SLC35F4: variants seen among roughly 807,000 people sequenced by gnomAD.
The protein encoded by SLC35F4 is solute carrier family 35 member F4.
Under a neutral mutation model 44.2 loss-of-function variants are expected in SLC35F4, and 24 were observed. The ratio of observed to expected loss-of-function variants is 0.54; its 90% CI spans 0.39 to 0.76. The LOEUF is 0.76. Among genes scored for constraint, SLC35F4 ranks in the 30% least tolerant of loss-of-function variants. SLC35F4 has a pLI of 0.00. For synonymous variants in SLC35F4, 238 were observed against 223.6 expected (o/e 1.06, Z -0.57); for missense variants, 562 against 586.1 (o/e 0.96, Z 0.42).
In SLC35F4 at chr14:57,571,982, A is replaced by G; in HGVS notation, c.845T>C (p.Met282Thr). ...GTGGAAATTATCTGCATATGCCATC[A>G]TGACAATGCCGGTAATTGCCATTAT... ...AAIMAITGIV[M>T]MAYADNFHAD... Residue 282 changes from methionine to threonine, a missense_variant, in exon 5 of 8, where the codon ATG becomes ACG. Physicochemically the swap from Met to Thr is moderately conservative, Grantham distance 81. Coordinates refer to ENST00000556826, the MANE Select transcript of SLC35F4 (RefSeq NM_001306087.2). The G allele has an allele frequency of 6.2e-7, 1 of 1,612,002 alleles. No individual in the cohort carries two copies. The highest frequency in any genetic ancestry group is 8.5e-7 in the Non-Finnish European group (1 of 1,178,962).
chr14:57,747,040 T>A (rs562133632), intron 1 of SLC35F4, among the ~76,000 whole-genome samples: 1 of 152,274 alleles, frequency 6.6e-6, no homozygotes, highest in Admixed American at 6.5e-5. Flanking sequence ...CTGAGATTTT[T>A]AAAAATATAC....
chr14:57,595,932 TG>T (rs1794280597), intron 1 of SLC35F4: 1 of 152,008 alleles, frequency 6.6e-6, no homozygotes, highest in South Asian at 2.1e-4. Flanking sequence ...GTGGAGGGAG[TG>T]GGGACAGTTA....
intron 1 of SLC35F4, among the ~76,000 whole-genome samples, chr14:57,687,490 G>T (rs10134063): frequency 0.13 from 20,375 of 152,124 alleles, 1,645 homozygotes; most frequent in African/African-American, 0.22. Flanking sequence ...TTCTCACTCT[G>T]AACATTTTTC....
intron 1 of SLC35F4, among the ~76,000 whole-genome samples, chr14:57,715,633 C>G (rs1358915556): frequency 6.6e-6 from 1 of 152,072 alleles, no homozygotes; most frequent in African/African-American, 2.4e-5. Context: ...GTTAAGGTAG[C>G]CCAGGAACTA....
chr14:57,764,841 A>G (rs1308707369), intron 1 of SLC35F4, among the ~76,000 whole-genome samples: 2 of 152,188 alleles, frequency 1.3e-5, no homozygotes, highest in African/African-American at 2.4e-5. Context: ...CTGTACAACA[A>G]TGTAAAGTTT....
At chr14:57,854,914 T>C (rs1164739727) in intron 1 of SLC35F4, among the ~76,000 whole-genome samples, 1 of 152,218 alleles carries the variant, frequency 6.6e-6, no homozygotes, top group East Asian at 1.9e-4. Context: ...ACTTGGACAA[T>C]TTATACTTGT....
At chr14:57,981,806 T>C (rs1161652082) in intron 1 of SLC35F4, 1 of 151,702 alleles carries the variant, frequency 6.6e-6, no homozygotes, top group African/African-American at 2.4e-5. Flanking sequence ...CCAAATTATA[T>C]GCCATTTAAG....
intron 1 of SLC35F4, among the ~76,000 whole-genome samples, chr14:57,689,726 G>A (rs1443130012): frequency 2.2e-5 from 3 of 139,362 alleles, no homozygotes; most frequent in African/African-American, 5.3e-5. Flanking sequence ...ATCACACACC[G>A]GGGCCTGTTG....
At position 57,738,787 on chromosome 14, in the gene SLC35F4, A is replaced by ATATATG. The variant is rs1491518109; in HGVS notation, c.103+126935_103+126936insCATATA. On this transcript the variant is annotated intron_variant, in intron 1 of 7. Coordinates refer to ENST00000556826, the MANE Select transcript of SLC35F4 (RefSeq NM_001306087.2). ...TATATATATATATATATATATATATAGGCTTCATATGTATACATGTATATA... is the reference window on the plus strand; with the variant it reads ...TATATATATATATATATATATATATATATATGGGCTTCATATGTATACATGTATATA... 7.2e-3 allele frequency among the ~76,000 whole-genome samples: 701 copies of ATATATG among 96,858 alleles called. 7 individuals carry two copies. Among genetic ancestry groups the ATATATG allele is most frequent in the Middle Eastern group, 0.012 (2 of 166 alleles). 63.5% of individuals were successfully genotyped at this position (96,858 alleles called of 152,430 possible). A position where few individuals can be genotyped will look rare whatever the true frequency, so the allele number is the denominator to read the frequency against.
rs181438381 is a variant in SLC35F4 at position 57,892,101 on chromosome 14, C to T, written n.282+89812G>A. Among the ~76,000 whole-genome samples the T allele has an allele frequency of 1.3e-3, 200 of 152,274 alleles. 2 individuals carry two copies. The highest frequency in any genetic ancestry group is 2.9e-4 in the Non-Finnish European group (20 of 68,026). ...ATGTGTTCATTTATTACTCAATTCC[C>T]TTATCAGATAAAGTTAGTTTTAGAG... On this transcript the variant is annotated intron_variant and non_coding_transcript_variant, in intron 1 of 1. Coordinates refer to the SLC35F4 transcript ENST00000556568.
intron 1 of SLC35F4, among the ~76,000 whole-genome samples, chr14:57,681,580 G>A (rs1463245683): frequency 6.6e-6 from 1 of 152,060 alleles, no homozygotes; most frequent in Admixed American, 6.5e-5. Context: ...TACCATTCAG[G>A]ACACTGGCAT....
At chr14:57,737,224 G>A (rs2076488735) in intron 1 of SLC35F4, among the ~76,000 whole-genome samples, 2 of 151,988 alleles carry the variant, frequency 1.3e-5, no homozygotes, top group Admixed American at 1.3e-4. Flanking sequence ...AAAGCAATAT[G>A]TGCTACTATG....
intron 1 of SLC35F4, among the ~76,000 whole-genome samples, chr14:57,661,956 T>A (rs2074151785): frequency 6.6e-6 from 1 of 152,270 alleles, no homozygotes; most frequent in African/African-American, 2.4e-5. Context: ...CATAAAGAAC[T>A]GAGTGTAGCA....
chr14:57,887,769 C>T (rs1218428348), intron 1 of SLC35F4, among the ~76,000 whole-genome samples: 3 of 152,202 alleles, frequency 2.0e-5, no homozygotes, highest in Non-Finnish European at 2.9e-5. Context: ...TGCACAGCCT[C>T]TTCTGGGCAT....
intron 1 of SLC35F4, among the ~76,000 whole-genome samples, chr14:57,627,651 T>C (rs541434753): frequency 2.0e-5 from 3 of 152,244 alleles, no homozygotes; most frequent in Non-Finnish European, 4.4e-5. Flanking sequence ...TACCAGAAAC[T>C]ATCTGACTAC....
intron 1 of SLC35F4, among the ~76,000 whole-genome samples, chr14:57,897,614 T>G (rs1305286040): frequency 6.6e-6 from 1 of 152,040 alleles, no homozygotes; most frequent in Non-Finnish European, 1.5e-5. Context: ...ACCAGGCCTC[T>G]TGGGGCTCAG....
intron 1 of SLC35F4, among the ~76,000 whole-genome samples, chr14:57,957,209 T>C (rs1890253332): frequency 6.6e-6 from 1 of 151,942 alleles, no homozygotes; most frequent in African/African-American, 2.4e-5. Flanking sequence ...AAACACCACA[T>C]GTTCTCACTC....
chr14:57,899,026 T>C (rs577966175), intron 1 of SLC35F4, among the ~76,000 whole-genome samples: 6 of 152,306 alleles, frequency 3.9e-5, no homozygotes, highest in Admixed American at 3.3e-4. Flanking sequence ...AGTCAGGCAC[T>C]CACTGAGTCT....
intron 1 of SLC35F4, among the ~76,000 whole-genome samples, chr14:57,661,329 T>A (rs1365269011): frequency 6.6e-6 from 1 of 152,172 alleles, no homozygotes; most frequent in Non-Finnish European, 1.5e-5. Flanking sequence ...AAGGGTCTCA[T>A]TACTGTTTGT....
Sources: gnomAD v4.1 joint callset for allele counts (sites outside exome capture counted in the v4.1 genomes callset) on GRCh38, gnomAD v4.1.1 for gene constraint, MANE v1.5 for transcripts, NCBI Gene and HGNC (gene_info 2026-07-23, HGNC 2026-07-21) for gene names.